The following MAML3 variants were observed in gnomAD, a reference collection of about 807,000 sequenced individuals.
MAML3 encodes the protein mastermind-like protein 3.
MAML3 carries 27 observed loss-of-function variants against 101.9 expected under a neutral mutation model. The ratio of observed to expected loss-of-function variants is 0.27; its 90% CI spans 0.20 to 0.37. The LOEUF (loss-of-function observed/expected upper bound fraction) is 0.37. Ranked by LOEUF, MAML3 falls within the 10% of genes least tolerant of loss-of-function variation. The pLI is 1.00. For synonymous variants in MAML3, 501 were observed against 555.9 expected, an observed-to-expected ratio of 0.90 and a Z score of 1.39; for missense variants, 1,316 against 1,444.9, an observed-to-expected ratio of 0.91 and a Z score of 1.45.
chr4:140,126,350 C>A (rs1240924088), intron 1 of MAML3, among the ~76,000 whole-genome samples: 4 of 152,126 alleles, frequency 2.6e-5, no homozygotes, highest in African/African-American at 9.7e-5. Flanking sequence ...TCCACTGCCT[C>A]TACTGACACC....
chr4:140,067,724 A>C (rs980665980), intron 1 of MAML3, among the ~76,000 whole-genome samples: 1 of 149,334 alleles, frequency 6.7e-6, no homozygotes, highest in South Asian at 2.1e-4. Flanking sequence ...GTCAATCTTA[A>C]TCTTTTTTTT....
chr4:139,892,710 G>A (rs1228298904), intron 1 of MAML3, among the ~76,000 whole-genome samples: 5 of 151,820 alleles, frequency 3.3e-5, no homozygotes, highest in Admixed American at 6.6e-5. Flanking sequence ...TGGCTCACGC[G>A]GTCAGGAGAT....
intron 2 of MAML3, among the ~76,000 whole-genome samples, chr4:139,820,188 A>G (rs1231310398): frequency 6.6e-6 from 1 of 152,238 alleles, no homozygotes; most frequent in Non-Finnish European, 1.5e-5. Flanking sequence ...ATGGTAGTGA[A>G]GCAACTGTGA....
At chr4:140,011,215 TTATA>T (rs1209236707) in intron 1 of MAML3, among the ~76,000 whole-genome samples, 3 of 116,160 alleles carry the variant, frequency 2.6e-5, no homozygotes, top group Non-Finnish European at 5.4e-5. Flanking sequence ...ATATATTTTG[TTATA>T]TATATAAAGT....
chr4:140,093,537 C>G (rs897448939), intron 1 of MAML3, among the ~76,000 whole-genome samples: 2 of 151,974 alleles, frequency 1.3e-5, no homozygotes, highest in South Asian at 2.1e-4. Context: ...CTGCCTCAGC[C>G]TCCCAAGTAG....
intron 2 of MAML3, among the ~76,000 whole-genome samples, chr4:139,827,621 T>C (rs933427081): frequency 6.6e-6 from 1 of 152,218 alleles, no homozygotes; most frequent in Non-Finnish European, 1.5e-5. Flanking sequence ...TAATTAAGCA[T>C]TTTTCCAACC....
chr4:139,858,267 A>G (rs976393102), intron 2 of MAML3, among the ~76,000 whole-genome samples: 1 of 152,232 alleles, frequency 6.6e-6, no homozygotes, highest in African/African-American at 2.4e-5. Context: ...TTGATTTGAT[A>G]GATTTTGAAA....
At chr4:139,791,698 C>T (rs191800197) in intron 2 of MAML3, among the ~76,000 whole-genome samples, 4 of 152,228 alleles carry the variant, frequency 2.6e-5, no homozygotes, top group Admixed American at 2.0e-4. Context: ...AATGTCCCTC[C>T]TGAAAGTTAA....
At chr4:140,069,417 G>C (rs1479824666) in intron 1 of MAML3, among the ~76,000 whole-genome samples, 4 of 81,086 alleles carry the variant, frequency 4.9e-5, no homozygotes, top group African/African-American at 2.4e-4. Flanking sequence ...GGAGGAGGAG[G>C]AGGGGAAGGA....
chr4:139,723,342 C>T (rs567064689), intron 4 of MAML3, among the ~76,000 whole-genome samples: 2 of 152,096 alleles, frequency 1.3e-5, no homozygotes, highest in Non-Finnish European at 2.9e-5. Context: ...CACAGTTTTG[C>T]TCTTGTTGCC....
chr4:140,144,268 C>T (rs1471498424), intron 1 of MAML3, among the ~76,000 whole-genome samples: 7 of 152,056 alleles, frequency 4.6e-5, no homozygotes, highest in African/African-American at 9.7e-5. Flanking sequence ...GAATTAAGGC[C>T]GGGCTCAGTG....
In MAML3 at chr4:139,718,512, C is replaced by A. The variant is rs1294854756; in HGVS notation, c.*811G>T. ...TGCGGCCGCCAGAAGTAGATGTGAC[C>A]CACCTGGATGTATGGGTTTTGTATT... On this transcript the variant is annotated 3_prime_UTR_variant, in exon 5 of 5. Coordinates refer to ENST00000509479, the MANE Select transcript of MAML3 (RefSeq NM_018717.5). The A allele has an allele frequency of 6.6e-6, 1 of 152,290 alleles. No homozygotes were observed. The highest frequency in any genetic ancestry group is 6.5e-5 in the Admixed American group (1 of 15,288). The allele number at this position is 152,290 out of a possible 1,614,324, so 9.4% of individuals were successfully genotyped here.
chr4:140,008,572 A>T (rs1726495930), intron 1 of MAML3, among the ~76,000 whole-genome samples: 1 of 150,628 alleles, frequency 6.6e-6, no homozygotes, highest in African/African-American at 2.4e-5. Context: ...GAGATGAAAA[A>T]GCAAATGACA....
At chr4:140,034,622 C>A (rs368244132) in intron 1 of MAML3, among the ~76,000 whole-genome samples, 1 of 152,188 alleles carries the variant, frequency 6.6e-6, no homozygotes, top group Non-Finnish European at 1.5e-5. Flanking sequence ...GTTAAGAGCA[C>A]TGAGATCTGG....
At chr4:139,912,964 C>T (rs908441528) in intron 1 of MAML3, among the ~76,000 whole-genome samples, 1 of 151,842 alleles carries the variant, frequency 6.6e-6, no homozygotes, top group East Asian at 1.9e-4. Context: ...GGGCATGAAT[C>T]TGCAGTAGGA....
intron 1 of MAML3, among the ~76,000 whole-genome samples, chr4:140,031,177 A>G (rs1454154045): frequency 6.6e-6 from 1 of 152,222 alleles, no homozygotes; most frequent in Non-Finnish European, 1.5e-5. Flanking sequence ...ATTCAGGCAC[A>G]AATAGATTAA....
intron 1 of MAML3, among the ~76,000 whole-genome samples, chr4:140,030,509 C>A (rs777394613): frequency 1.3e-5 from 2 of 152,202 alleles, no homozygotes; most frequent in Non-Finnish European, 2.9e-5. Flanking sequence ...AGCATGCCAT[C>A]CTCACCTCCA....
At chr4:140,000,175 G>T (rs1034456753) in intron 1 of MAML3, among the ~76,000 whole-genome samples, 7 of 152,146 alleles carry the variant, frequency 4.6e-5, no homozygotes, top group Admixed American at 3.9e-4. Context: ...AATACCATTT[G>T]ATTAATATAT....
chr4:140,087,090 G>A (rs1315706032), intron 1 of MAML3, among the ~76,000 whole-genome samples: 1 of 152,204 alleles, frequency 6.6e-6, no homozygotes, highest in Non-Finnish European at 1.5e-5. Flanking sequence ...AACCTGGGAG[G>A]TGGAGGTTGC....
Sources: allele counts gnomAD v4.1 joint callset (sites outside exome capture counted in the v4.1 genomes callset), GRCh38; gene constraint gnomAD v4.1.1; transcripts MANE v1.5; gene names NCBI Gene and HGNC (gene_info 2026-07-23, HGNC 2026-07-21).